The following CPVL variants were observed in gnomAD, a reference collection of about 807,000 sequenced individuals.
CPVL encodes the protein carboxypeptidase vitellogenic like.
Under a neutral mutation model 63.7 loss-of-function variants are expected in CPVL, and 51 were observed. The ratio of observed to expected loss-of-function variants is 0.80; its 90% CI spans 0.64 to 1.01. The LOEUF (loss-of-function observed/expected upper bound fraction) is 1.01. Ranked by LOEUF, CPVL falls within the 50% of genes least tolerant of loss-of-function variation. The probability of loss-of-function intolerance (pLI) is 0.00; values close to 1 mark genes in which losing one functional copy is unlikely to be tolerated. For synonymous variants in CPVL, 195 were observed against 206.0 expected, an observed-to-expected ratio of 0.95 and a Z score of 0.46; for missense variants, 530 against 573.1, an observed-to-expected ratio of 0.92 and a Z score of 0.77.
At chr7:29,150,117 T>G (rs1793385718), upstream of CPVL, among the ~76,000 whole-genome samples, 1 of 152,226 alleles carries the variant, frequency 6.6e-6, no homozygotes, top group Non-Finnish European at 1.5e-5. Context: ...TCACAAGCCC[T>G]TGTGTTCTCT....
chr7:29,040,229 A>T (rs552940728), intron 11 of CPVL, among the ~76,000 whole-genome samples: 77 of 152,300 alleles, frequency 5.1e-4, no homozygotes, highest in Non-Finnish European at 9.9e-4. Context: ...TTTGGACTGA[A>T]GCAATTAGCA....
chr7:29,164,543 G>A (rs994947847), intron 5 of CPVL, among the ~76,000 whole-genome samples: 8 of 151,750 alleles, frequency 5.3e-5, no homozygotes, highest in African/African-American at 9.7e-5. Flanking sequence ...CCAGCACTTC[G>A]GGGGGCTGAG....
intron 1 of CPVL, 79 bp downstream of exon 1, chr7:29,146,350 G>A (rs1314362623): frequency 3.8e-6 from 2 of 522,718 alleles, no homozygotes; most frequent in Non-Finnish European, 6.5e-6. Context: ...CCTGCCCCGC[G>A]CTCCCTAAGT....
chr7:29,011,481 G>A (rs2158926), intron 12 of CPVL: 30,541 of 152,138 alleles, frequency 0.2, 3,313 homozygotes, highest in East Asian at 0.28. Flanking sequence ...ATGCTGAGGT[G>A]GGAGGATTTG....
chr7:29,160,094 T>A (rs1794972303), intron 5 of CPVL, among the ~76,000 whole-genome samples: 1 of 152,180 alleles, frequency 6.6e-6, no homozygotes, highest in Non-Finnish European at 1.5e-5. Flanking sequence ...TCTGGCTCTC[T>A]GATAAAGAAA....
intron 11 of CPVL, among the ~76,000 whole-genome samples, chr7:29,033,060 A>G (rs2128156146): frequency 6.6e-6 from 1 of 152,330 alleles, no homozygotes. Flanking sequence ...TAGAAGGTCT[A>G]CTTTTGGGTA....
At chr7:29,107,433 G>C (rs1787828518) in intron 3 of CPVL, among the ~76,000 whole-genome samples, 1 of 152,188 alleles carries the variant, frequency 6.6e-6, no homozygotes, top group East Asian at 1.9e-4. Context: ...TGCTGGGATG[G>C]AGCCTTAGCA....
At chr7:29,095,524 A>G (rs148184573) in intron 4 of CPVL, among the ~76,000 whole-genome samples, 113 of 152,238 alleles carry the variant, frequency 7.4e-4, no homozygotes, top group Middle Eastern at 6.8e-3. Flanking sequence ...AAACTGGCAC[A>G]TAAGCCTTTA....
chr7:29,127,291 C>G (rs1482806447), intron 1 of CPVL, among the ~76,000 whole-genome samples: 1 of 152,162 alleles, frequency 6.6e-6, no homozygotes, highest in Non-Finnish European at 1.5e-5. Flanking sequence ...AAGGGCCATG[C>G]CTGTGACTAA....
chr7:29,101,650 AC>A (rs1787146261), intron 3 of CPVL, among the ~76,000 whole-genome samples: 1 of 151,986 alleles, frequency 6.6e-6, no homozygotes, highest in Non-Finnish European at 1.5e-5. Context: ...TAAAAACAGT[AC>A]TTATTCTTAA....
rs1455131331 is a variant in CPVL, at chr7:29,083,981, T to C, written c.609+2503A>G. On this transcript the variant is annotated intron_variant, in intron 7 of 12. Coordinates refer to ENST00000265394, the MANE Select transcript of CPVL (RefSeq NM_031311.5). ...TGGATCAGAGATAATATTTCTCTAA[T>C]TGTGCCTTTCATCTGTATTGTAATT... 3.3e-5 allele frequency among the ~76,000 whole-genome samples: 5 copies of C among 152,186 alleles called. No homozygotes were observed. In the South Asian group the frequency reaches 8.3e-4, roughly 25 times the overall value.
Position 29,086,382 on chromosome 7 carries a change from A to G in CPVL, c.609+102T>C, listed in dbSNP as rs1222887432. On this transcript the variant is annotated intron_variant, in intron 7 of 12. Coordinates refer to ENST00000265394, the MANE Select transcript of CPVL (RefSeq NM_031311.5). ...AATCAATATTGATATGTATGTGTAC[A>G]TGTATATACATATATAGATTTTAAA... 8.0e-5 allele frequency: 63 copies of G among 789,264 alleles called. 1 individual carries two copies. In the South Asian group the frequency reaches 9.5e-4, roughly 12 times the overall value. 48.9% of individuals were successfully genotyped at this position (789,264 alleles called of 1,614,324 possible).
At chr7:29,167,052 A>G (rs2128719599) in intron 5 of CPVL, among the ~76,000 whole-genome samples, 1 of 152,270 alleles carries the variant, frequency 6.6e-6, no homozygotes, top group Admixed American at 6.5e-5. Flanking sequence ...AAAGTGAACA[A>G]TGTTTACAAC....
intron 12 of CPVL, among the ~76,000 whole-genome samples, chr7:29,018,006 G>A (rs1433982596): frequency 6.6e-6 from 1 of 152,176 alleles, no homozygotes; most frequent in African/African-American, 2.4e-5. Flanking sequence ...CAACCTAGCC[G>A]AGATAATCCA....
chr7:29,089,896 CTT>C (rs1460260684), intron 6 of CPVL, among the ~76,000 whole-genome samples: 1 of 148,704 alleles, frequency 6.7e-6, no homozygotes, highest in Non-Finnish European at 1.5e-5. Context: ...GAGTTTCGCT[CTT>C]GTTGCCCAGG....
chr7:29,073,101 T>C lies in CPVL; in HGVS notation c.610-678A>G, dbSNP rs142756825. Among the ~76,000 whole-genome samples the C allele has an allele frequency of 2.0e-5, 3 of 152,336 alleles. No individual in the cohort carries two copies. In the East Asian group the frequency reaches 5.8e-4, roughly 29 times the overall value. On this transcript the variant is annotated intron_variant, in intron 7 of 12. Coordinates refer to ENST00000265394, the MANE Select transcript of CPVL (RefSeq NM_031311.5). ...GCATTCTTTCCATCAAAAGTTGCCTTCTTGATATCTCCACTTGTATGTCTA... is the reference window on the plus strand; with the variant it reads ...GCATTCTTTCCATCAAAAGTTGCCTCCTTGATATCTCCACTTGTATGTCTA...
At chr7:29,097,869 A>G (rs933314008) in intron 3 of CPVL, among the ~76,000 whole-genome samples, 8 of 152,208 alleles carry the variant, frequency 5.3e-5, no homozygotes, top group African/African-American at 1.9e-4. Flanking sequence ...GCAGAGCCAG[A>G]CAGCAGAGCT....
At chr7:29,130,380 T>C (rs1790560316) in intron 1 of CPVL, among the ~76,000 whole-genome samples, 1 of 152,226 alleles carries the variant, frequency 6.6e-6, no homozygotes, top group Non-Finnish European at 1.5e-5. Context: ...AATTCTGTAT[T>C]ATATTAACAG....
intron 1 of CPVL, among the ~76,000 whole-genome samples, chr7:29,191,352 A>G (rs1434184684): frequency 6.6e-6 from 1 of 152,222 alleles, no homozygotes; most frequent in Non-Finnish European, 1.5e-5. Context: ...ACAGAAGAAG[A>G]GTTATTTTCT....
Sources: allele counts gnomAD v4.1 joint callset (sites outside exome capture counted in the v4.1 genomes callset), GRCh38; gene constraint gnomAD v4.1.1; transcripts MANE v1.5; gene names NCBI Gene and HGNC (gene_info 2026-07-23, HGNC 2026-07-21).